STRN4: variants seen among roughly 807,000 people sequenced by gnomAD.
STRN4 encodes striatin 4.
STRN4 carries 27 observed loss-of-function variants against 77.9 expected under a neutral mutation model. The ratio of observed to expected loss-of-function variants is 0.35; its 90% CI spans 0.26 to 0.48. The LOEUF is 0.48. Ranked by LOEUF, STRN4 falls within the 20% of genes least tolerant of loss-of-function variation. STRN4 has a pLI of 0.99. For synonymous variants in STRN4, 466 were observed against 443.1 expected, an observed-to-expected ratio of 1.05 and a Z score of -0.65; for missense variants, 798 against 1,049.7, an observed-to-expected ratio of 0.76 and a Z score of 3.31.
At position 46,722,066 on chromosome 19, in the gene STRN4, G is replaced by A. The variant is rs147982515; in HGVS notation, c.2012C>T (p.Pro671Leu). ...CAGGTGTGCAACCATGGAGTGCACC[G>A]GCTTACCTGAGGCGAGAAGGGCGGG... ...IRFLDNRTGK[P>L]VHSMVAHLDA... Residue 671 changes from proline (P) to leucine (L), a missense_variant, in exon 16 of 18, where the codon CCG becomes CTG. Physicochemically the swap from Pro to Leu is moderately conservative, Grantham distance 98 (BLOSUM62 -3). Transcript: ENST00000263280. 67 of 1,612,854 alleles carry A rather than the reference G, an allele frequency of 4.2e-5. No homozygotes were observed. Among genetic ancestry groups the A allele is most frequent in the African/African-American group, 2.8e-4 (21 of 75,052 alleles).
intron 1 of STRN4, among the ~76,000 whole-genome samples, chr19:46,744,875 C>T (rs1322834076): frequency 2.0e-5 from 3 of 152,062 alleles, no homozygotes; most frequent in Admixed American, 6.6e-5. Flanking sequence ...CGGACATCTC[C>T]ATGGTCCTCC....
chr19:46,727,707 G>C (rs778161823), intron 8 of STRN4, 161 bp from the exon 9 acceptor site: 83 of 756,382 alleles, frequency 1.1e-4, no homozygotes, highest in Middle Eastern at 3.1e-4. Flanking sequence ...AAGAGACAGA[G>C]AGACAGACAG....
rs2054615098 is a variant in STRN4, at chr19:46,746,352, C to T, written c.79G>A (p.Gly27Ser). ...GAGACCGGGGCCGCCCCAGTGGGGC[C>T]AGGGCCCGCGCCTGAGCCGAGCGGA... The part of the protein sequence containing the change: ...CRPLGSGAGP[G>S]PTGAAPVSAP... Residue 27 changes from glycine to serine, a missense_variant, in exon 1 of 18, where the codon GGC (glycine) becomes AGC (serine). This residue lies in a region of STRN4 where 511 missense variants were observed against 575.9 expected (regional missense o/e 0.89). Coordinates refer to ENST00000263280, the MANE Select transcript of STRN4 (RefSeq NM_013403.3). 1 of 1,228,180 alleles carries T rather than the reference C, an allele frequency of 8.1e-7. No homozygotes were observed. Among genetic ancestry groups the T allele is most frequent in the Admixed American group, 4.6e-5 (1 of 21,964 alleles). 76.1% of individuals were successfully genotyped at this position (1,228,180 alleles called of 1,614,324 possible).
Position 46,722,800 on chromosome 19 carries a change from G to A in STRN4, c.1906+10C>T. On this transcript the variant is annotated intron_variant, in intron 14 of 17. Coordinates refer to ENST00000263280, the MANE Select transcript of STRN4 (RefSeq NM_013403.3). ...AGACCAATTCCATGAGCTGATGTCA[G>A]CCCCCTTACCGCTGCTGCCCCGGGA... 1 of 1,613,332 alleles carries A rather than the reference G, an allele frequency of 6.2e-7. No individual in the cohort carries two copies. The highest frequency in any genetic ancestry group is 8.5e-7 in the Non-Finnish European group (1 of 1,179,686).
intron 1 of STRN4, among the ~76,000 whole-genome samples, chr19:46,745,210 C>T (rs957081277): frequency 6.6e-6 from 1 of 152,086 alleles, no homozygotes; most frequent in African/African-American, 2.4e-5. Flanking sequence ...GTTCAGGGCT[C>T]TCTACCTACA....
At chr19:46,740,956 T>C (rs1458920736) in intron 1 of STRN4, among the ~76,000 whole-genome samples, 1 of 152,110 alleles carries the variant, frequency 6.6e-6, no homozygotes, top group Non-Finnish European at 1.5e-5. Flanking sequence ...AAGAGCTGCA[T>C]GGTGGGCTTA....
Position 46,723,295 on chromosome 19 carries a change from C to T in STRN4, c.1595-11G>A. On this transcript the variant is annotated splice_polypyrimidine_tract_variant and intron_variant, in intron 12 of 17. Coordinates refer to ENST00000263280, the MANE Select transcript of STRN4 (RefSeq NM_013403.3). This position sits in a 1 kb window ranked among gnomAD's most constrained non-coding sequence, Gnocchi z 5.5. ...TCAGCACGCTTGGGTCTGCACCCACCGCAGGGAGGAAATGGGCTGTGTCAG... is the reference window on the plus strand; with the variant it reads ...TCAGCACGCTTGGGTCTGCACCCACTGCAGGGAGGAAATGGGCTGTGTCAG... 6.5e-7 allele frequency: 1 copy of T among 1,532,504 alleles called. No individual in the cohort carries two copies. Among genetic ancestry groups the T allele is most frequent in the Non-Finnish European group, 8.8e-7 (1 of 1,139,834 alleles). The allele number at this position is 1,532,504 out of a possible 1,614,324, so 94.9% of individuals were successfully genotyped here.
chr19:46,733,164 G>A lies in STRN4; in HGVS notation c.612C>T (p.Gly204=). The A allele has an allele frequency of 3.7e-6, 6 of 1,611,768 alleles. No individual in the cohort carries two copies. The highest frequency in any genetic ancestry group is 5.1e-6 in the Non-Finnish European group (6 of 1,180,010). ...MRSKRVRSLL[G]RSLELNGAVE... The stretch of plus-strand genomic sequence containing the variant: ...CTGCCCCGTTGAGCTCCAGCGAGCG[G>A]CCCAGCAGGGAACGGACGCGCTTGG... Residue 204 remains glycine (G), a synonymous_variant, in exon 5 of 18, where the codon GGC becomes GGT. Coordinates refer to ENST00000263280, the MANE Select transcript of STRN4 (RefSeq NM_013403.3). This position sits in a 1 kb window ranked among gnomAD's most constrained non-coding sequence, Gnocchi z 4.3.
Position 46,733,189 on chromosome 19 carries a change from G to A in STRN4, c.587C>T (p.Ser196Phe). Residue 196 changes from serine to phenylalanine, a missense_variant, in exon 5 of 18, where the codon TCC becomes TTC. Around this residue, in one of 2 missense-constraint regions of STRN4, gnomAD observed 511 missense variants for 575.9 expected, o/e 0.89. Coordinates refer to ENST00000263280, the MANE Select transcript of STRN4 (RefSeq NM_013403.3). This position sits in a 1 kb window ranked among gnomAD's most constrained non-coding sequence, Gnocchi z 4.3. Reference protein sequence around the residue: ...GYTDTILDMRSKRVRSLLGRS... With the variant: ...GYTDTILDMRFKRVRSLLGRS... The stretch of plus-strand genomic sequence containing the variant: ...GCCCAGCAGGGAACGGACGCGCTTG[G>A]ACCGCATGTCGAGGATGGTGTCTGT... 6.2e-7 allele frequency: 1 copy of A among 1,611,202 alleles called. No homozygotes were observed. The highest frequency in any genetic ancestry group is 8.5e-7 in the Non-Finnish European group (1 of 1,179,994).
In STRN4 at chr19:46,723,099, G is replaced by C. The variant is rs376197717; in HGVS notation, c.1765+15C>G. The C allele has an allele frequency of 6.4e-7, 1 of 1,559,022 alleles. No individual in the cohort carries two copies. The highest frequency in any genetic ancestry group is 8.7e-7 in the Non-Finnish European group (1 of 1,151,976). Reference sequence around the variant, plus strand: ...CCGCACAGCTCCAGGGTGAGGCACCGGGGCCCCCACTCACCGCTGGCTGTG... The same window carrying C: ...CCGCACAGCTCCAGGGTGAGGCACCCGGGCCCCCACTCACCGCTGGCTGTG... On this transcript the variant is annotated intron_variant, in intron 13 of 17. Transcript: ENST00000263280. The surrounding 1 kb of genome is among the most constrained non-coding windows in gnomAD (Gnocchi z 5.5).
Position 46,733,601 on chromosome 19 carries a change from C to A in STRN4, c.540-365G>T, listed in dbSNP as rs764682939. 6.6e-6 allele frequency among the ~76,000 whole-genome samples: 1 copy of A among 151,986 alleles called. No homozygotes were observed. The highest frequency in any genetic ancestry group is 1.5e-5 in the Non-Finnish European group (1 of 68,016). ...AAGCTGGCCACGGTAAACAGCAGAA[C>A]GAAAACGCTAAGTTCTATGATCCAC... On this transcript the variant is annotated intron_variant, in intron 4 of 17. Coordinates refer to ENST00000263280, the MANE Select transcript of STRN4 (RefSeq NM_013403.3). This position sits in a 1 kb window ranked among gnomAD's most constrained non-coding sequence, Gnocchi z 4.3.
At position 46,738,800 on chromosome 19, in the gene STRN4, G is replaced by A. The variant is rs1276558520; in HGVS notation, c.371C>T (p.Ala124Val). 5 of 1,614,048 alleles carry A rather than the reference G, an allele frequency of 3.1e-6. No homozygotes were observed. The highest frequency in any genetic ancestry group is 1.7e-5 in the Admixed American group (1 of 60,018). The part of the protein sequence containing the change: ...LVRRIKMLEY[A>V]LKQERAKYHK... ...GAAGGCTCACCTTTCCTGCTTCAGC[G>A]CATACTCTAGCATCTTGATCCGCCG... is the stretch of plus-strand genomic sequence containing the variant. Residue 124 changes from alanine (A) to valine (V), a missense_variant, in exon 2 of 18, where the codon GCG (alanine) becomes GTG (valine). Ala to Val is a moderately conservative substitution (Grantham distance 64). Transcript: ENST00000263280. This position sits in a 1 kb window ranked among gnomAD's most constrained non-coding sequence, Gnocchi z 4.5.
At chr19:46,731,074 C>A in intron 5 of STRN4, 1 of 737,044 alleles carries the variant, frequency 1.4e-6, no homozygotes, top group South Asian at 1.9e-5. Flanking sequence ...GGAAGCCTCA[C>A]TCAGACCGCA....
chr19:46,723,374 G>C lies in STRN4; in HGVS notation c.1595-90C>G. ...GAGCCCCAGCTCTGCCAAGCCCCAG[G>C]CAGCTGGGCTCCAATCACCCACGCA... On this transcript the variant is annotated intron_variant, in intron 12 of 17. Coordinates refer to ENST00000263280, the MANE Select transcript of STRN4 (RefSeq NM_013403.3). The surrounding 1 kb of genome is among the most constrained non-coding windows in gnomAD (Gnocchi z 5.5). The C allele has an allele frequency of 7.0e-7, 1 of 1,438,766 alleles. No individual in the cohort carries two copies. The highest frequency in any genetic ancestry group is 9.2e-7 in the Non-Finnish European group (1 of 1,089,706). 89.1% of individuals were successfully genotyped at this position (1,438,766 alleles called of 1,614,324 possible).
Position 46,722,313 on chromosome 19 carries a change from C to G in STRN4, c.1934G>C (p.Ser645Thr), listed in dbSNP as rs1568387222. The change falls in exon 15 of 18, where the codon AGT (serine) becomes ACT (threonine). Residue 645 changes from serine to threonine, a missense_variant. By Grantham distance (58) the Ser-to-Thr change is moderately conservative (BLOSUM62 1). Around this residue, in one of 2 missense-constraint regions of STRN4, gnomAD observed 287 missense variants for 473.8 expected, o/e 0.61. Coordinates refer to ENST00000263280, the MANE Select transcript of STRN4 (RefSeq NM_013403.3). ...GATGGTGAGAGGCTGGTTTGGATGA[C>G]TCACCACTTGGTTGATCTGGGTTGG... ...SGPTQINQVVSHPNQPLTITA... is the reference protein window; with the variant it reads ...SGPTQINQVVTHPNQPLTITA... 1 of 1,614,178 alleles carries G rather than the reference C, an allele frequency of 6.2e-7. No homozygotes were observed. The highest frequency in any genetic ancestry group is 2.2e-5 in the East Asian group (1 of 44,874).
At chr19:46,735,545 T>C (rs181822915) in intron 4 of STRN4, among the ~76,000 whole-genome samples, 230 of 152,216 alleles carry the variant, frequency 1.5e-3, no homozygotes, top group Admixed American at 4.3e-3. Context: ...ACTGAGACCA[T>C]ATATGGCAAA....
intron 5 of STRN4, chr19:46,731,914 G>T (rs1374762041): frequency 6.6e-6 from 1 of 152,290 alleles, no homozygotes; most frequent in Middle Eastern, 3.2e-3. Context: ...CTAGACCTAT[G>T]TTTAGGGGCC....
chr19:46,743,429 G>A (rs74540411), intron 1 of STRN4, among the ~76,000 whole-genome samples: 1 of 152,216 alleles, frequency 6.6e-6, no homozygotes, highest in Non-Finnish European at 1.5e-5. Context: ...CAGCCTCCAG[G>A]ATGAGAAGAT....
Position 46,739,190 on chromosome 19 carries a change from C to T in STRN4, c.283-302G>A, listed in dbSNP as rs114402677. 698 of 406,738 alleles carry T rather than the reference C, an allele frequency of 1.7e-3. 4 individuals carry two copies. The highest frequency in any genetic ancestry group is 0.012 in the African/African-American group (602 of 49,290). The allele number at this position is 406,738 out of a possible 1,614,324, so 25.2% of individuals were successfully genotyped here. On this transcript the variant is annotated intron_variant, in intron 1 of 17. Coordinates refer to ENST00000263280, the MANE Select transcript of STRN4 (RefSeq NM_013403.3). The stretch of plus-strand genomic sequence containing the variant: ...CTGGTGGCTGCCTTTGGGGGGAAGT[C>T]GGGTCAGGGATGGCAGTGGAGAGGA...
Sources: allele counts gnomAD v4.1 joint callset (sites outside exome capture counted in the v4.1 genomes callset), GRCh38; gene constraint gnomAD v4.1.1; regional missense constraint gnomAD v4.1.1; non-coding constraint Gnocchi (gnomAD v3.1); transcripts MANE v1.5; gene names NCBI Gene and HGNC (gene_info 2026-07-23, HGNC 2026-07-21).